The following PXDNL variants were observed in gnomAD, a reference collection of about 807,000 sequenced individuals.
PXDNL encodes peroxidasin like.
In PXDNL, 145 loss-of-function variants were observed where a neutral mutation model predicts 150.8. That is an observed-to-expected ratio of 0.96 (90% CI 0.84 to 1.10). The LOEUF is 1.10. Among genes scored for constraint, PXDNL ranks in the 50% least tolerant of loss-of-function variants. PXDNL has a pLI of 0.00. For missense variants in PXDNL, 2,087 were observed against 1,873.9 expected (o/e 1.11, Z -2.10); for synonymous variants, 757 against 725.7 (o/e 1.04, Z -0.69).
At chr8:51,638,556 C>T (rs1409929370) in intron 2 of PXDNL, among the ~76,000 whole-genome samples, 1 of 152,098 alleles carries the variant, frequency 6.6e-6, no homozygotes, top group African/African-American at 2.4e-5. Context: ...CAATCCTAGT[C>T]TCTGATAAAA....
intron 16 of PXDNL, among the ~76,000 whole-genome samples, chr8:51,410,794 AAAC>A (rs768259900): frequency 2.6e-5 from 4 of 152,182 alleles, no homozygotes; most frequent in Admixed American, 6.5e-5. Flanking sequence ...CCAAAAAACA[AAAC>A]AACAACAACA....
chr8:51,543,032 T>G lies in PXDNL; in HGVS notation c.380+13808A>C, dbSNP rs530576975. 7.2e-5 allele frequency among the ~76,000 whole-genome samples: 11 copies of G among 152,324 alleles called. No homozygotes were observed. The South Asian group carries it at 2.3e-3, about 32-fold the overall frequency. On this transcript the variant is annotated intron_variant, in intron 4 of 22. Coordinates refer to ENST00000356297, the MANE Select transcript of PXDNL (RefSeq NM_144651.5). ...TAACAAAGAAAATAGGTATTATTAT[T>G]TCAGAATCTGCTCTTACCAAATGTT...
chr8:51,549,472 T>C (rs115007723), intron 4 of PXDNL, among the ~76,000 whole-genome samples: 2,680 of 152,290 alleles, frequency 0.018, 84 homozygotes, highest in African/African-American at 0.06. Context: ...ACTGAAATTA[T>C]ATCAAGTATT....
Position 51,409,345 on chromosome 8 carries a change from C to A in PXDNL, c.2279G>T (p.Gly760Val). 6.6e-7 allele frequency: 1 copy of A among 1,504,532 alleles called. No individual in the cohort carries two copies. The highest frequency in any genetic ancestry group is 8.8e-7 in the Non-Finnish European group (1 of 1,133,006). 93.2% of individuals were successfully genotyped at this position (1,504,532 alleles called of 1,614,324 possible). A position where few individuals can be genotyped will look rare whatever the true frequency, so the allele number is the denominator to read the frequency against. Residue 760 changes from glycine to valine, a missense_variant, in exon 17 of 23, where the codon GGC (glycine) becomes GTC (valine). Gly to Val is a moderately radical substitution (Grantham distance 109). Transcript: ENST00000356297. Reference protein sequence around the residue: ...ARLLQPAYRDGIRAPRGLGLP... With the variant: ...ARLLQPAYRDVIRAPRGLGLP... ...GCCGAGCCCGCGGGGCGCGCGGATG[C>A]CGTCCCGGTAGGCTGGCTGCAGCAG...
intron 20 of PXDNL, among the ~76,000 whole-genome samples, chr8:51,342,062 A>G (rs1309286415): frequency 2.6e-5 from 4 of 152,228 alleles, no homozygotes; most frequent in Non-Finnish European, 4.4e-5. Context: ...ATAAGTGTCC[A>G]TCAATGGACA....
Position 51,409,060 on chromosome 8 carries a change from G to A in PXDNL, c.2564C>T (p.Thr855Ile). The change falls in exon 17 of 23, where the codon ACC becomes ATC. Residue 855 changes from threonine (T) to isoleucine (I), a missense_variant. Coordinates refer to ENST00000356297, the MANE Select transcript of PXDNL (RefSeq NM_144651.5). ...MNTRHADPRG[T>I]HAPCMLFARS... ...CGCGAAGAGCATGCAGGGCGCGTGG[G>A]TGCCCCGGGGGTCGGCGTGCCGGGT... 1.9e-6 allele frequency: 3 copies of A among 1,609,816 alleles called. No homozygotes were observed. Among genetic ancestry groups the A allele is most frequent in the Non-Finnish European group, 1.7e-6 (2 of 1,179,526 alleles).
intron 3 of PXDNL, among the ~76,000 whole-genome samples, chr8:51,567,026 CT>C (rs1208749476): frequency 6.6e-6 from 1 of 151,648 alleles, no homozygotes; most frequent in African/African-American, 2.4e-5. Flanking sequence ...TCCCTTGAGA[CT>C]TCTTTGATCA....
intron 3 of PXDNL, among the ~76,000 whole-genome samples, chr8:51,565,647 T>G (rs1812811857): frequency 6.6e-6 from 1 of 151,916 alleles, no homozygotes; most frequent in South Asian, 2.1e-4. Flanking sequence ...GTGACACCTT[T>G]GCTTTCTGAT....
chr8:51,603,890 A>G (rs1813781528), intron 2 of PXDNL, among the ~76,000 whole-genome samples: 1 of 152,150 alleles, frequency 6.6e-6, no homozygotes, highest in African/African-American at 2.4e-5. Flanking sequence ...GGGCAGTGAC[A>G]AAGTAGTGTC....
At chr8:51,530,241 G>A (rs1277543563) in intron 4 of PXDNL, among the ~76,000 whole-genome samples, 2 of 152,100 alleles carry the variant, frequency 1.3e-5, no homozygotes, top group Non-Finnish European at 2.9e-5. Context: ...ATTAGGGAGA[G>A]TATACCTAGC....
intron 20 of PXDNL, 46 bp from the exon 21 acceptor site, chr8:51,339,799 T>C: frequency 6.4e-7 from 1 of 1,563,082 alleles, no homozygotes; most frequent in South Asian, 1.2e-5. Context: ...ATAAAAGTCG[T>C]GTGAGAATTT....
chr8:51,369,653 T>TAAAA (rs5891407), intron 19 of PXDNL, among the ~76,000 whole-genome samples: 5 of 149,172 alleles, frequency 3.4e-5, no homozygotes, highest in African/African-American at 4.9e-5. Flanking sequence ...TATAGTGCCA[T>TAAAA]AAAAAAAAAA....
intron 1 of PXDNL, among the ~76,000 whole-genome samples, chr8:51,735,210 G>A (rs1367414949): frequency 6.6e-6 from 1 of 152,148 alleles, no homozygotes; most frequent in East Asian, 1.9e-4. Flanking sequence ...GCCAGGTGCA[G>A]TGGCCCATGC....
At chr8:51,374,537 A>G in intron 18 of PXDNL, 60 bp downstream of exon 18, 1 of 1,531,364 alleles carries the variant, frequency 6.5e-7, no homozygotes, top group Non-Finnish European at 9.0e-7. Context: ...TTAAACATAT[A>G]CATTTTGGGT....
chr8:51,483,026 AG>A (rs1810637693), intron 6 of PXDNL, among the ~76,000 whole-genome samples: 1 of 149,344 alleles, frequency 6.7e-6, no homozygotes, highest in South Asian at 2.2e-4. Flanking sequence ...GGATTAGTGG[AG>A]GGGGTGGGTA....
At chr8:51,465,386 G>C (rs1810182805) in intron 8 of PXDNL, among the ~76,000 whole-genome samples, 1 of 151,612 alleles carries the variant, frequency 6.6e-6, no homozygotes, top group South Asian at 2.1e-4. Flanking sequence ...AACAAACTAG[G>C]CGTCAAAGCA....
At chr8:51,413,984 C>T (rs188591391) in intron 14 of PXDNL, among the ~76,000 whole-genome samples, 182 of 152,024 alleles carry the variant, frequency 1.2e-3, no homozygotes, top group Admixed American at 3.4e-3. Context: ...TTATGTGACA[C>T]AGGCAATGAA....
intron 12 of PXDNL, among the ~76,000 whole-genome samples, chr8:51,442,325 C>G (rs958836476): frequency 2.1e-4 from 31 of 149,468 alleles, no homozygotes; most frequent in African/African-American, 7.4e-4. Flanking sequence ...GATTCTGGTT[C>G]TTTTTCAGAA....
Position 51,484,015 on chromosome 8 carries a change from A to T in PXDNL, c.453-301T>A, listed in dbSNP as rs531555496. ...TAAAAATAAATATTTAAGTATGAGG[A>T]AATCAAAGTAAATAGTCAATGTATT... On this transcript the variant is annotated intron_variant, in intron 5 of 22. Transcript: ENST00000356297. 8.5e-5 allele frequency among the ~76,000 whole-genome samples: 13 copies of T among 152,346 alleles called. 1 individual carries two copies. The highest frequency in any genetic ancestry group is 3.1e-4 in the African/African-American group (13 of 41,582).
Sources: allele counts gnomAD v4.1 joint callset (sites outside exome capture counted in the v4.1 genomes callset), GRCh38; gene constraint gnomAD v4.1.1; transcripts MANE v1.5; gene names NCBI Gene and HGNC (gene_info 2026-07-23, HGNC 2026-07-21).